The following ADAM28 variants were observed in gnomAD, a reference collection of about 807,000 sequenced individuals.
ADAM28 encodes disintegrin and metalloproteinase domain-containing protein 28.
Under a neutral mutation model 101.2 loss-of-function variants are expected in ADAM28, and 105 were observed. The observed-to-expected ratio is 1.04, with a 90% confidence interval of 0.89 to 1.22. The LOEUF is 1.22. ADAM28 is among the 50% of genes most tolerant of loss of function. ADAM28 has a pLI of 0.00. For missense variants in ADAM28, 1,028 were observed against 945.4 expected, an observed-to-expected ratio of 1.09 and a Z score of -1.15; for synonymous variants, 322 against 310.6, an observed-to-expected ratio of 1.04 and a Z score of -0.39.
Position 24,335,699 on chromosome 8 carries a change from A to G in ADAM28, c.1567+58A>G. On this transcript the variant is annotated intron_variant, in intron 14 of 22. Transcript: ENST00000265769. ...GCGAAGGAAAATCATTTCAGATGAC[A>G]GTGTTTAACCATGGTCAAAGGACCA... 2.0e-6 allele frequency: 3 copies of G among 1,483,316 alleles called. No individual in the cohort carries two copies. The South Asian group carries it at 4.2e-5, about 21-fold the overall frequency. 91.9% of individuals were successfully genotyped at this position (1,483,316 alleles called of 1,614,324 possible). A position where few individuals can be genotyped will look rare whatever the true frequency, so the allele number is the denominator to read the frequency against.
In ADAM28 at chr8:24,355,884, G is replaced by A. The variant is rs1431861028; in HGVS notation, c.*1480G>A. On this transcript the variant is annotated 3_prime_UTR_variant, in exon 23 of 23. Coordinates refer to ENST00000265769, the MANE Select transcript of ADAM28 (RefSeq NM_014265.6). Reference sequence around the variant, plus strand: ...GTAAAGTAGCTGTTTCCATAATCAGGGAACATGCTTTAGTTCATCATCACA... The same window carrying A: ...GTAAAGTAGCTGTTTCCATAATCAGAGAACATGCTTTAGTTCATCATCACA... 6.6e-6 allele frequency: 1 copy of A among 152,010 alleles called. No homozygotes were observed. Among genetic ancestry groups the A allele is most frequent in the African/African-American group, 2.4e-5 (1 of 41,384 alleles). The allele number at this position is 152,010 out of a possible 1,614,324, so 9.4% of individuals were successfully genotyped here.
chr8:24,355,241 G>A lies in ADAM28; in HGVS notation c.*837G>A, dbSNP rs569357534. On this transcript the variant is annotated 3_prime_UTR_variant, in exon 23 of 23. Coordinates refer to ENST00000265769, the MANE Select transcript of ADAM28 (RefSeq NM_014265.6). Reference sequence around the variant, plus strand: ...TAATCTAAAAGTAATCCGATGCTTTGTCAACAACAGACTTACATTGCCCAT... The same window carrying A: ...TAATCTAAAAGTAATCCGATGCTTTATCAACAACAGACTTACATTGCCCAT... The A allele has an allele frequency of 3.9e-5, 6 of 152,374 alleles. No homozygotes were observed. The South Asian group carries it at 1.2e-3, about 32-fold the overall frequency. The allele number at this position is 152,374 out of a possible 1,614,324, so 9.4% of individuals were successfully genotyped here. A position where few individuals can be genotyped will look rare whatever the true frequency, so the allele number is the denominator to read the frequency against.
At chr8:24,320,165 A>G (rs1811677466) in intron 6 of ADAM28, 71 bp from the exon 7 acceptor site, 2 of 1,116,592 alleles carry the variant, frequency 1.8e-6, no homozygotes, top group African/African-American at 1.6e-5. Context: ...ATAAAATTAC[A>G]GATGTCAAAT....
At position 24,297,160 on chromosome 8, in the gene ADAM28, T is replaced by G. The variant is rs566224916; in HGVS notation, c.47-2814T>G. On this transcript the variant is annotated intron_variant, in intron 1 of 22. Transcript: ENST00000265769. ...TGATTTCTAAAAGAAATGTTGTGGG[T>G]TTTTTTTTGTTGTTGTTGTTGTTTG... is the stretch of plus-strand genomic sequence containing the variant. Among the ~76,000 whole-genome samples the G allele has an allele frequency of 5.6e-4, 64 of 114,138 alleles. 1 individual carries two copies. The highest frequency in any genetic ancestry group is 2.2e-3 in the Admixed American group (26 of 11,840). The allele number at this position is 114,138 out of a possible 152,430, so 74.9% of individuals were successfully genotyped here.
intron 18 of ADAM28, among the ~76,000 whole-genome samples, chr8:24,343,887 G>GA (rs1375042690): frequency 6.6e-6 from 1 of 152,026 alleles, no homozygotes; most frequent in Non-Finnish European, 1.5e-5. Flanking sequence ...CAAGTTAATG[G>GA]AAAAATGTAA....
chr8:24,356,490 A>C lies in ADAM28; in HGVS notation c.*2086A>C, dbSNP rs1334137979. The C allele has an allele frequency of 6.6e-6, 1 of 152,168 alleles. No individual in the cohort carries two copies. Among genetic ancestry groups the C allele is most frequent in the African/African-American group, 2.4e-5 (1 of 41,452 alleles). The allele number at this position is 152,168 out of a possible 1,614,324, so 9.4% of individuals were successfully genotyped here. ...ACTAGGTCCCTGATGCAGATGCATC[A>C]TACGTCCTATTTGAAGAGAAGAAAT... is the stretch of plus-strand genomic sequence containing the variant. On this transcript the variant is annotated 3_prime_UTR_variant, in exon 23 of 23. Coordinates refer to ENST00000265769, the MANE Select transcript of ADAM28 (RefSeq NM_014265.6).
At chr8:24,295,556 A>G (rs1807850504) in intron 1 of ADAM28, among the ~76,000 whole-genome samples, 1 of 152,126 alleles carries the variant, frequency 6.6e-6, no homozygotes, top group Non-Finnish European at 1.5e-5. Flanking sequence ...CTGCTTGGGC[A>G]CTAGCTTAGT....
chr8:24,343,112 T>G lies in ADAM28; in HGVS notation c.1842T>G (p.Asn614Lys). 6.2e-7 allele frequency: 1 copy of G among 1,613,768 alleles called. No homozygotes were observed. Among genetic ancestry groups the G allele is most frequent in the Non-Finnish European group, 8.5e-7 (1 of 1,179,770 alleles). Reference sequence around the variant, plus strand: ...TACATCACTTTCAGGTTTGCATTAATGCAGAATGTGTGGATATTGAGAAAG... The same window carrying G: ...TACATCACTTTCAGGTTTGCATTAAGGCAGAATGTGTGGATATTGAGAAAG... Reference protein sequence around the residue: ...TKCGDNKVCINAECVDIEKAY... With the variant: ...TKCGDNKVCIKAECVDIEKAY... Residue 614 changes from asparagine to lysine, a missense_variant, in exon 17 of 23, where the codon AAT becomes AAG. By Grantham distance (94) the Asn-to-Lys change is moderately conservative (BLOSUM62 0). Transcript: ENST00000265769.
intron 2 of ADAM28, among the ~76,000 whole-genome samples, chr8:24,306,367 T>C (rs191791593): frequency 7.3e-6 from 1 of 136,354 alleles, no homozygotes; most frequent in Non-Finnish European, 1.6e-5. Context: ...TAAATAAATA[T>C]ATATATATAT....
intron 16 of ADAM28, among the ~76,000 whole-genome samples, chr8:24,342,232 G>T (rs867118793): frequency 3.6e-4 from 54 of 152,088 alleles, no homozygotes; most frequent in Admixed American, 9.8e-4. Context: ...CATGAGGTTT[G>T]TCTCTCTTAA....
chr8:24,331,238 G>A lies in ADAM28; in HGVS notation c.1192G>A (p.Ala398Thr). ...EDKLSNCLFN[A>T]PLPTDIISTP... ...TAAATTATCAAATTGCCTCTTTAATGCTCCATTGCCTACAGATATCATATC... is the reference window on the plus strand; with the variant it reads ...TAAATTATCAAATTGCCTCTTTAATACTCCATTGCCTACAGATATCATATC... The change falls in exon 12 of 23, where the codon GCT becomes ACT. Residue 398 changes from alanine (A) to threonine (T), a missense_variant. Ala to Thr is a moderately conservative substitution (Grantham distance 58). Coordinates refer to ENST00000265769, the MANE Select transcript of ADAM28 (RefSeq NM_014265.6). 6.2e-7 allele frequency: 1 copy of A among 1,613,172 alleles called. No homozygotes were observed.
chr8:24,325,879 A>AC lies in ADAM28; in HGVS notation c.891-675_891-674insC, dbSNP rs1563296631. On this transcript the variant is annotated intron_variant, in intron 9 of 22. Coordinates refer to ENST00000265769, the MANE Select transcript of ADAM28 (RefSeq NM_014265.6). ...GGATCTTGTACAGATAGCAAAAAAA[A>AC]AAAAAAAAAAAAAAAAAAAAACCAA... Among the ~76,000 whole-genome samples the AC allele has an allele frequency of 1.6e-4, 19 of 121,126 alleles. 1 individual carries two copies. The highest frequency in any genetic ancestry group is 4.7e-4 in the African/African-American group (17 of 36,118). The allele number at this position is 121,126 out of a possible 152,430, so 79.5% of individuals were successfully genotyped here.
intron 14 of ADAM28, 52 bp from the exon 15 acceptor site, chr8:24,339,414 T>C (rs1169408260): frequency 1.4e-6 from 2 of 1,399,416 alleles, no homozygotes; most frequent in Non-Finnish European, 2.0e-6. Context: ...CAAGTATCTC[T>C]TGAATCTCAA....
At chr8:24,331,647 A>G (rs1460128609) in intron 12 of ADAM28, among the ~76,000 whole-genome samples, 1 of 152,056 alleles carries the variant, frequency 6.6e-6, no homozygotes, top group Non-Finnish European at 1.5e-5. Context: ...CTTACCCAGT[A>G]TTACTTTAGA....
chr8:24,331,086 C>A, intron 11 of ADAM28, 64 bp from the exon 12 acceptor site: 2 of 1,471,312 alleles, frequency 1.4e-6, no homozygotes, highest in South Asian at 1.5e-5. Context: ...TGCCTAATGT[C>A]AGATACTGCT....
chr8:24,334,105 A>G (rs1020562899), intron 13 of ADAM28, among the ~76,000 whole-genome samples: 10 of 152,192 alleles, frequency 6.6e-5, no homozygotes, highest in Admixed American at 2.6e-4. Context: ...AGTAAATGCT[A>G]TTTGTTAGAG....
chr8:24,342,712 C>T (rs1814926258), intron 16 of ADAM28, among the ~76,000 whole-genome samples: 2 of 152,046 alleles, frequency 1.3e-5, no homozygotes, highest in Non-Finnish European at 2.9e-5. Flanking sequence ...TATCACATGA[C>T]CTGGCATGGA....
At position 24,329,905 on chromosome 8, in the gene ADAM28, GA is replaced by G. The variant is rs1563303072; in HGVS notation, c.973-79del. 15 of 1,469,406 alleles carry G rather than the reference GA, an allele frequency of 1.0e-5. No homozygotes were observed. In the African/African-American group the frequency reaches 1.8e-4, roughly 18 times the overall value. 91.0% of individuals were successfully genotyped at this position (1,469,406 alleles called of 1,614,324 possible). A position where few individuals can be genotyped will look rare whatever the true frequency, so the allele number is the denominator to read the frequency against. ...TGTGTGTGAGAGAGAGAGAGAGAGA[GA>G]GAGAGAGAGATGGCAAGTAGAGTGA... is the stretch of plus-strand genomic sequence containing the variant. On this transcript the variant is annotated intron_variant, in intron 10 of 22. Transcript: ENST00000265769.
intron 14 of ADAM28, among the ~76,000 whole-genome samples, chr8:24,338,693 G>A (rs1318092782): frequency 6.6e-6 from 1 of 152,128 alleles, no homozygotes; most frequent in African/African-American, 2.4e-5. Flanking sequence ...TTAGCTTGCT[G>A]TTTGTCAAAG....
Sources: allele counts gnomAD v4.1 joint callset (sites outside exome capture counted in the v4.1 genomes callset), GRCh38; gene constraint gnomAD v4.1.1; transcripts MANE v1.5; gene names NCBI Gene and HGNC (gene_info 2026-07-23, HGNC 2026-07-21).